GTF2F2: variants seen among roughly 807,000 people sequenced by gnomAD.
The protein encoded by GTF2F2 is general transcription factor IIF subunit 2.
GTF2F2 carries 23 observed loss-of-function variants against 42.2 expected under a neutral mutation model. The ratio of observed to expected loss-of-function variants is 0.55; its 90% CI spans 0.39 to 0.77. The LOEUF (loss-of-function observed/expected upper bound fraction) is 0.77, where lower values mean the gene tolerates loss of function less well. Ranked by LOEUF, GTF2F2 falls within the 30% of genes least tolerant of loss-of-function variation. The pLI, the probability that GTF2F2 is intolerant of heterozygous loss-of-function variation, is 0.00. For missense variants in GTF2F2, 261 were observed against 287.2 expected (o/e 0.91, Z 0.66); for synonymous variants, 105 against 100.8 (o/e 1.04, Z -0.25).
At chr13:45,223,114 CT>C (rs1189740883) in intron 5 of GTF2F2, among the ~76,000 whole-genome samples, 1 of 151,842 alleles carries the variant, frequency 6.6e-6, no homozygotes, top group East Asian at 1.9e-4. Context: ...CCAGCTACGC[CT>C]GTAGTCTCAG....
chr13:45,246,888 A>G (rs1358468046), intron 5 of GTF2F2, among the ~76,000 whole-genome samples: 1 of 151,884 alleles, frequency 6.6e-6, no homozygotes, highest in Non-Finnish European at 1.5e-5. Context: ...ATACAAAAAA[A>G]TTAGCCTGGC....
intron 5 of GTF2F2, among the ~76,000 whole-genome samples, chr13:45,250,173 G>T (rs531729005): frequency 6.7e-6 from 1 of 149,130 alleles, no homozygotes. Context: ...TCGAGCCTCA[G>T]CCTCCTGACT....
chr13:45,135,831 T>G (rs181854189), intron 1 of GTF2F2, among the ~76,000 whole-genome samples: 1 of 152,382 alleles, frequency 6.6e-6, no homozygotes, highest in East Asian at 1.9e-4. Context: ...TAAGGTGTTA[T>G]GCTTTATACT....
intron 4 of GTF2F2, among the ~76,000 whole-genome samples, chr13:45,176,584 T>A (rs935123691): frequency 3.3e-5 from 5 of 152,176 alleles, no homozygotes; most frequent in Non-Finnish European, 5.9e-5. Context: ...GCCTTTTTAC[T>A]CTCTTAAAGG....
chr13:45,205,622 C>T (rs1277476049), intron 4 of GTF2F2, among the ~76,000 whole-genome samples: 4 of 152,102 alleles, frequency 2.6e-5, no homozygotes, highest in Non-Finnish European at 5.9e-5. Context: ...TGGGTTCAAG[C>T]GATTCCCTTG....
chr13:45,248,778 C>T (rs1172082270), intron 5 of GTF2F2, among the ~76,000 whole-genome samples: 2 of 152,130 alleles, frequency 1.3e-5, no homozygotes, highest in African/African-American at 4.8e-5. Context: ...TCCCAGCCAG[C>T]ACCAAGTATT....
intron 4 of GTF2F2, among the ~76,000 whole-genome samples, chr13:45,198,708 G>GT (rs904167579): frequency 2.8e-4 from 42 of 150,146 alleles, no homozygotes; most frequent in African/African-American, 7.8e-4. Context: ...TTTTTTTTTT[G>GT]TTTTTTTGTT....
intron 4 of GTF2F2, among the ~76,000 whole-genome samples, chr13:45,195,097 C>T (rs764662622): frequency 3.3e-5 from 5 of 151,956 alleles, no homozygotes; most frequent in East Asian, 1.9e-4. Flanking sequence ...TTTTCTTTCC[C>T]GGAAAAAGTC....
At chr13:45,254,362 A>G (rs1053116480) in intron 6 of GTF2F2, among the ~76,000 whole-genome samples, 8 of 152,322 alleles carry the variant, frequency 5.3e-5, no homozygotes, top group African/African-American at 1.9e-4. Context: ...TCTCCTGCCA[A>G]TAAGGGGAAA....
intron 4 of GTF2F2, among the ~76,000 whole-genome samples, chr13:45,174,634 CT>C (rs397950608): frequency 0.023 from 1,871 of 81,474 alleles, 12 homozygotes; most frequent in Non-Finnish European, 0.035. Context: ...TTTCTTTTTT[CT>C]TTTTTTTTTT....
At chr13:45,231,932 G>A (rs1037306172) in intron 5 of GTF2F2, among the ~76,000 whole-genome samples, 8 of 151,924 alleles carry the variant, frequency 5.3e-5, no homozygotes, top group African/African-American at 1.9e-4. Flanking sequence ...TGTATGCCTG[G>A]GTAGCTTCCT....
At chr13:45,171,070 T>G (rs1871573146) in intron 4 of GTF2F2, among the ~76,000 whole-genome samples, 1 of 80,692 alleles carries the variant, frequency 1.2e-5, no homozygotes, top group African/African-American at 2.0e-4. Flanking sequence ...AAACCCTATC[T>G]TTTTTTTTTT....
Position 45,138,941 on chromosome 13 carries a change from C to T in GTF2F2, c.140+2135C>T, listed in dbSNP as rs558710399. Among the ~76,000 whole-genome samples the T allele has an allele frequency of 2.6e-5, 4 of 152,264 alleles. No homozygotes were observed. The South Asian group carries it at 6.2e-4, about 24-fold the overall frequency. On this transcript the variant is annotated intron_variant, in intron 2 of 7. Transcript: ENST00000340473. ...GATTACAGGCGGTAGCCACTGTGCC[C>T]GGCCGCGAGTGAAGATTATTATGAA...
Position 45,207,415 on chromosome 13 carries a change from C to G in GTF2F2, c.305-9C>G, listed in dbSNP as rs372643018. On this transcript the variant is annotated splice_polypyrimidine_tract_variant and intron_variant, in intron 4 of 7. Transcript: ENST00000340473. ...ATTATCTCTGAATCCTTTTTTTTTT[C>G]CATTCAAGATAAGCTGTCATTGGAA... 1.3e-6 allele frequency: 2 copies of G among 1,508,716 alleles called. No individual in the cohort carries two copies. The highest frequency in any genetic ancestry group is 1.2e-5 in the South Asian group (1 of 82,794). 93.5% of individuals were successfully genotyped at this position (1,508,716 alleles called of 1,614,324 possible). A position where few individuals can be genotyped will look rare whatever the true frequency, so the allele number is the denominator to read the frequency against.
At chr13:45,246,679 T>TA (rs1194787457) in intron 5 of GTF2F2, among the ~76,000 whole-genome samples, 1 of 152,190 alleles carries the variant, frequency 6.6e-6, no homozygotes, top group African/African-American at 2.4e-5. Flanking sequence ...TTAAAATACT[T>TA]ACGACAGTCC....
chr13:45,210,862 T>C (rs780770668), intron 5 of GTF2F2, among the ~76,000 whole-genome samples: 8 of 152,228 alleles, frequency 5.3e-5, no homozygotes, highest in Middle Eastern at 3.2e-3. Context: ...GATAGATCAT[T>C]CTGGCCATAG....
At chr13:45,226,210 A>G (rs913478741) in intron 5 of GTF2F2, among the ~76,000 whole-genome samples, 1 of 152,164 alleles carries the variant, frequency 6.6e-6, no homozygotes, top group African/African-American at 2.4e-5. Context: ...GTACCATGTG[A>G]CTGTATTACC....
chr13:45,136,632 T>TTA, intron 1 of GTF2F2, 101 bp from the exon 2 acceptor site: 1 of 660,082 alleles, frequency 1.5e-6, no homozygotes. Flanking sequence ...TAATGATCCC[T>TTA]TATTAGAGGC....
At chr13:45,226,885 T>A (rs1036833035) in intron 5 of GTF2F2, among the ~76,000 whole-genome samples, 17 of 152,146 alleles carry the variant, frequency 1.1e-4, no homozygotes, top group African/African-American at 4.1e-4. Context: ...TGTGTTTCTT[T>A]AAAAAATACA....
Sources: gnomAD v4.1 joint callset for allele counts (sites outside exome capture counted in the v4.1 genomes callset) on GRCh38, gnomAD v4.1.1 for gene constraint, MANE v1.5 for transcripts, NCBI Gene and HGNC (gene_info 2026-07-23, HGNC 2026-07-21) for gene names.